The following MMUT variants were observed in gnomAD, a reference collection of about 807,000 sequenced individuals.
MMUT encodes the protein methylmalonyl-CoA mutase, also known as methylmalonyl-CoA mutase, mitochondrial.
MMUT carries 79 observed loss-of-function variants against 79.9 expected under a neutral mutation model. That is an observed-to-expected ratio of 0.99 (90% confidence interval 0.82 to 1.19). The LOEUF (loss-of-function observed/expected upper bound fraction) is 1.19, where lower values mean the gene tolerates loss of function less well. Ranked by LOEUF, MMUT falls within the 50% of genes most tolerant of loss-of-function variation. The pLI, the probability that MMUT is intolerant of heterozygous loss-of-function variation, is 0.00. For missense variants in MMUT, 860 were observed against 917.2 expected (o/e 0.94, Z 0.81); for synonymous variants, 273 against 295.7 (o/e 0.92, Z 0.79).
At chr6:49,457,043 T>C (rs886124285) in intron 3 of MMUT, among the ~76,000 whole-genome samples, 6 of 152,200 alleles carry the variant, frequency 3.9e-5, no homozygotes, top group African/African-American at 1.4e-4. Context: ...TTACAAGGGT[T>C]GATAAAGATA....
intron 11 of MMUT, among the ~76,000 whole-genome samples, chr6:49,439,720 A>C (rs537067655): frequency 7.9e-5 from 12 of 152,316 alleles, no homozygotes; most frequent in Admixed American, 2.0e-4. Context: ...CTTAGAAGGA[A>C]TATCTCAACA....
chr6:49,439,848 C>G (rs775836361), intron 11 of MMUT, among the ~76,000 whole-genome samples: 2 of 152,196 alleles, frequency 1.3e-5, no homozygotes, highest in Non-Finnish European at 2.9e-5. Context: ...TTTGCTACTT[C>G]TTGCTCACTG....
rs756355886 is a variant in MMUT, at chr6:49,447,656, C to T, written c.1560+14G>A. Reference sequence around the variant, plus strand: ...AAATACTTAAAAAAAAAAAAAAAAGCAAGCTATTAATACCTTCTTAAGTTT... The same window carrying T: ...AAATACTTAAAAAAAAAAAAAAAAGTAAGCTATTAATACCTTCTTAAGTTT... On this transcript the variant is annotated intron_variant, in intron 8 of 12. Transcript: ENST00000274813. 2 of 1,289,166 alleles carry T rather than the reference C, an allele frequency of 1.6e-6. No individual in the cohort carries two copies. Among genetic ancestry groups the T allele is most frequent in the Admixed American group, 3.8e-5 (2 of 52,232 alleles). The allele number at this position is 1,289,166 out of a possible 1,614,324, so 79.9% of individuals were successfully genotyped here. A position where few individuals can be genotyped will look rare whatever the true frequency, so the allele number is the denominator to read the frequency against.
intron 11 of MMUT, among the ~76,000 whole-genome samples, chr6:49,439,212 T>C (rs4458686): frequency 0.36 from 55,237 of 152,032 alleles, 10,252 homozygotes; most frequent in African/African-American, 0.41. Context: ...ACCCAGTTCA[T>C]GATAGGCAGT....
Position 49,440,124 on chromosome 6 carries a change from T to C in MMUT, c.1956+82A>G. 5 of 1,548,962 alleles carry C rather than the reference T, an allele frequency of 3.2e-6. No homozygotes were observed. The Admixed American group carries it at 6.7e-5, about 21-fold the overall frequency. On this transcript the variant is annotated intron_variant, in intron 11 of 12. Coordinates refer to ENST00000274813, the MANE Select transcript of MMUT (RefSeq NM_000255.4). ...CCAGGAGATGTATTAATTTGCTCAATGTCTGTCATCATTTTACTACATTTT... is the reference window on the plus strand; with the variant it reads ...CCAGGAGATGTATTAATTTGCTCAACGTCTGTCATCATTTTACTACATTTT...
intron 9 of MMUT, among the ~76,000 whole-genome samples, chr6:49,443,413 C>T (rs984703038): frequency 7.2e-5 from 11 of 152,068 alleles, no homozygotes. Context: ...CAGTCCTTTT[C>T]ACATCACTCA....
intron 11 of MMUT, among the ~76,000 whole-genome samples, chr6:49,438,270 T>C (rs1767184722): frequency 6.6e-6 from 1 of 152,134 alleles, no homozygotes; most frequent in African/African-American, 2.4e-5. Flanking sequence ...GTAATTTATC[T>C]CCTGCAAACT....
intron 11 of MMUT, among the ~76,000 whole-genome samples, chr6:49,437,911 G>A (rs1334829398): frequency 2.0e-5 from 3 of 152,004 alleles, no homozygotes; most frequent in Non-Finnish European, 1.5e-5. Flanking sequence ...TGGGTTTCTT[G>A]TAACAAGTGA....
At position 49,444,562 on chromosome 6, in the gene MMUT, T is replaced by G. The variant is rs9381786; in HGVS notation, c.1676+77A>C. On this transcript the variant is annotated intron_variant, in intron 9 of 12. Coordinates refer to ENST00000274813, the MANE Select transcript of MMUT (RefSeq NM_000255.4). ...CTCACATGGTTTACAGGATCAACCT[T>G]TTATTTAAGTATACTCTGAAAAGCT... 283,522 of 1,178,926 alleles carry G rather than the reference T, an allele frequency of 0.24. 35,429 individuals are homozygous for G. The highest frequency in any genetic ancestry group is 0.29 in the Middle Eastern group (1,504 of 5,212). 73.0% of individuals were successfully genotyped at this position (1,178,926 alleles called of 1,614,324 possible).
chr6:49,459,582 AAAAG>A (rs1468264143), intron 1 of MMUT, 77 bp from the exon 2 acceptor site: 2 of 1,124,828 alleles, frequency 1.8e-6, no homozygotes, highest in African/African-American at 3.2e-5. Context: ...AAAGGAACAG[AAAAG>A]AAAGAGGATG....
In MMUT at chr6:49,440,349, G is replaced by A. The variant is rs767966332; in HGVS notation, c.1813C>T (p.His605Tyr). ...KEITSAIKRVHKFMEREGRRP... is the reference protein window; with the variant it reads ...KEITSAIKRVYKFMEREGRRP... ...CGACCTTCACGTTCCATGAATTTAT[G>A]AACCCTGAAAAACATTTAAAAATAT... Residue 605 changes from histidine to tyrosine, a missense_variant, in exon 11 of 13, where the codon CAT (histidine) becomes TAT (tyrosine). His to Tyr is a moderately conservative substitution (Grantham distance 83, BLOSUM62 2). Transcript: ENST00000274813. 4 of 1,613,760 alleles carry A rather than the reference G, an allele frequency of 2.5e-6. No individual in the cohort carries two copies. Among genetic ancestry groups the A allele is most frequent in the Non-Finnish European group, 2.5e-6 (3 of 1,179,880 alleles).
In MMUT at chr6:49,457,781, T is replaced by A. The variant is rs1182821853; in HGVS notation, c.663A>T (p.Ile221=). The A allele has an allele frequency of 9.3e-6, 15 of 1,612,972 alleles. No homozygotes were observed. Among genetic ancestry groups the A allele is most frequent in the African/African-American group, 1.3e-5 (1 of 74,904 alleles). Reference sequence around the variant, plus strand: ...TATTTCGAACCATAAATTCCTTTAGTATATCATTTTGGATGGTACCAGTAA... The same window carrying A: ...TATTTCGAACCATAAATTCCTTTAGAATATCATTTTGGATGGTACCAGTAA... ...EKLTGTIQND[I]LKEFMVRNTY... is the part of the protein sequence containing the mutation. Residue 221 remains isoleucine (I), a synonymous_variant, in exon 3 of 13, where the codon ATA becomes ATT. Transcript: ENST00000274813.
rs758577372 is a variant in MMUT at position 49,453,691 on chromosome 6, C to T, written c.977G>A (p.Arg326Lys). The T allele has an allele frequency of 1.2e-6, 2 of 1,613,366 alleles. No homozygotes were observed. The highest frequency in any genetic ancestry group is 1.7e-6 in the Non-Finnish European group (2 of 1,179,540). Residue 326 changes from arginine (R) to lysine (K), a missense_variant, in exon 5 of 13, where the codon AGA (arginine) becomes AAA (lysine). By Grantham distance (26) the Arg-to-Lys change is conservative (BLOSUM62 2). Transcript: ENST00000274813. ...YMEIAKMRAGRRLWAHLIEKM... is the reference protein window; with the variant it reads ...YMEIAKMRAGKRLWAHLIEKM... ...CTCTATTAAGTGAGCCCAGAGTCTT[C>T]TACCAGCTCTCATCTTTGCTATTTC...
chr6:49,444,686 G>A lies in MMUT; in HGVS notation c.1629C>T (p.Ser543=), dbSNP rs150642856. Residue 543 remains serine, a synonymous_variant, in exon 9 of 13, where the codon AGC becomes AGT. Transcript: ENST00000274813. ...CLAALTECAA[S]GDGNILALAV... Reference sequence around the variant, plus strand: ...CAAGAGCCAGGATATTTCCATCTCCGCTAGCAGCACATTCGGTTAGTGCAG... The same window carrying A: ...CAAGAGCCAGGATATTTCCATCTCCACTAGCAGCACATTCGGTTAGTGCAG... 10,190 of 1,613,274 alleles carry A rather than the reference G, an allele frequency of 6.3e-3. 55 individuals carry two copies. The highest frequency in any genetic ancestry group is 0.021 in the Middle Eastern group (125 of 6,054).
chr6:49,443,803 A>G (rs1274029197), intron 9 of MMUT: 3 of 439,044 alleles, frequency 6.8e-6, no homozygotes, highest in African/African-American at 4.1e-5. Context: ...TATCGTGTCT[A>G]TGGGAACACT....
At chr6:49,432,051 G>A (rs557637525) in intron 12 of MMUT, among the ~76,000 whole-genome samples, 195 bp from the exon 13 acceptor site, 1 of 152,246 alleles carries the variant, frequency 6.6e-6, no homozygotes, top group African/African-American at 2.4e-5. Flanking sequence ...CCCAGCCCAA[G>A]TTATTTAAAA....
rs547709692 is a variant in MMUT, at chr6:49,456,101, G to A, written c.890C>T (p.Thr297Ile). 460 of 1,613,546 alleles carry A rather than the reference G, an allele frequency of 2.9e-4. 2 individuals carry two copies. In the South Asian group the frequency reaches 4.7e-3, roughly 16 times the overall value. ...YSRTGLQAGL[T>I]IDEFAPRLSF... ...TCACCTTGGTGCAAATTCATCAATT[G>A]TCAGGCCAGCCTGGAGTCCAGTTCT... Residue 297 changes from threonine (T) to isoleucine (I), a missense_variant, in exon 4 of 13, where the codon ACA (threonine) becomes ATA (isoleucine). Coordinates refer to ENST00000274813, the MANE Select transcript of MMUT (RefSeq NM_000255.4).
At chr6:49,437,523 C>G (rs1380772937) in intron 11 of MMUT, among the ~76,000 whole-genome samples, 1 of 152,086 alleles carries the variant, frequency 6.6e-6, no homozygotes, top group Non-Finnish European at 1.5e-5. Flanking sequence ...GGTCTACTCT[C>G]TAGAATCTAC....
chr6:49,458,675 A>C (rs894317112), intron 2 of MMUT, among the ~76,000 whole-genome samples: 1 of 152,252 alleles, frequency 6.6e-6, no homozygotes, highest in African/African-American at 2.4e-5. Flanking sequence ...ATTTTCAGTG[A>C]ATGAATGCCA....
Sources: allele counts gnomAD v4.1 joint callset (sites outside exome capture counted in the v4.1 genomes callset), GRCh38; gene constraint gnomAD v4.1.1; transcripts MANE v1.5; gene names NCBI Gene and HGNC (gene_info 2026-07-23, HGNC 2026-07-21).